C5: variants seen among roughly 807,000 people sequenced by gnomAD.
The protein encoded by C5 is complement C5.
In C5, 140 loss-of-function variants were observed where a neutral mutation model predicts 218.8. That is an observed-to-expected ratio of 0.64 (90% CI 0.56 to 0.74). The LOEUF (loss-of-function observed/expected upper bound fraction) is 0.74, where lower values mean the gene tolerates loss of function less well. C5 is among the 30% of genes least tolerant of loss of function. The pLI, the probability that C5 is intolerant of heterozygous loss-of-function variation, is 0.00. For missense variants in C5, 1,700 were observed against 1,969.6 expected (o/e 0.86, Z 2.59); for synonymous variants, 614 against 682.3 (o/e 0.90, Z 1.56).
intron 31 of C5, among the ~76,000 whole-genome samples, chr9:120,970,600 A>C (rs2046904207): frequency 6.6e-6 from 1 of 152,212 alleles, no homozygotes; most frequent in African/African-American, 2.4e-5. Context: ...AAGGCTAAGA[A>C]GTGTGGGTTT....
the C5 span, among the ~76,000 whole-genome samples, chr9:121,056,047 C>A: frequency 2.0e-5 from 3 of 152,214 alleles, no homozygotes; most frequent in Non-Finnish European, 4.4e-5. Context: ...TTAGGGCACC[C>A]CCAAGTGCTG....
At position 120,980,237 on chromosome 9, in the gene C5, T is replaced by C. The variant is rs756322573; in HGVS notation, c.3504A>G (p.Leu1168=). Reference sequence around the variant, plus strand: ...CAAGCAGAAAGTTGTCAGCTTTAATTAGAGCTGTGTCGATTTTCTGGAAAC... The same window carrying C: ...CAAGCAGAAAGTTGTCAGCTTTAATCAGAGCTGTGTCGATTTTCTGGAAAC... ...ICPLVKIDTA[L]IKADNFLLEN... The change falls in exon 28 of 41, where the codon CTA becomes CTG. Residue 1168 remains leucine (L), a synonymous_variant. Transcript: ENST00000223642. 2 of 1,614,132 alleles carry C rather than the reference T, an allele frequency of 1.2e-6. No individual in the cohort carries two copies. Among genetic ancestry groups the C allele is most frequent in the Non-Finnish European group, 8.5e-7 (1 of 1,179,968 alleles).
intron 38 of C5, among the ~76,000 whole-genome samples, chr9:120,958,049 A>AT (rs1339507031): frequency 4.6e-5 from 7 of 152,082 alleles, no homozygotes. Flanking sequence ...CTTTTGATCT[A>AT]TTTTTTGTTT....
intron 16 of C5, among the ~76,000 whole-genome samples, chr9:121,014,998 C>T (rs538714412): frequency 8.5e-5 from 13 of 152,156 alleles, no homozygotes; most frequent in Admixed American, 7.8e-4. Context: ...AGACCTATTT[C>T]CTTAGATTAA....
chr9:121,056,135 G>C, the C5 span, among the ~76,000 whole-genome samples: 5 of 152,214 alleles, frequency 3.3e-5, no homozygotes, highest in East Asian at 5.8e-4. Context: ...CTCAAGGACA[G>C]GGACAAACAA....
chr9:121,072,736 G>A, the C5 span, among the ~76,000 whole-genome samples: 1 of 150,992 alleles, frequency 6.6e-6, no homozygotes, highest in Non-Finnish European at 1.5e-5. Flanking sequence ...AACCCGGGAG[G>A]CGGAGGTTGC....
chr9:120,989,545 T>G (rs2047059830), intron 24 of C5, 23 bp downstream of exon 24: 2 of 1,474,368 alleles, frequency 1.4e-6, no homozygotes, highest in Non-Finnish European at 1.9e-6. Flanking sequence ...CCAATTTTTA[T>G]GTGAAATACT....
intron 1 of C5, 63 bp from the exon 2 acceptor site, chr9:121,046,446 A>AT: frequency 8.4e-7 from 1 of 1,196,790 alleles, no homozygotes; most frequent in Non-Finnish European, 1.2e-6. Flanking sequence ...TTTACTTTTG[A>AT]TTTTTTTCTC....
At position 120,962,847 on chromosome 9, in the gene C5, T is replaced by A. The variant is rs1340712613; in HGVS notation, c.4398+46A>T. The A allele has an allele frequency of 1.2e-6, 2 of 1,603,890 alleles. 1 individual carries two copies. Among genetic ancestry groups the A allele is most frequent in the Admixed American group, 3.3e-5 (2 of 60,022 alleles). On this transcript the variant is annotated intron_variant, in intron 35 of 40. Coordinates refer to ENST00000223642, the MANE Select transcript of C5 (RefSeq NM_001735.3). Reference sequence around the variant, plus strand: ...ATTTATAATCTTTTAGCCTGTATATTTTGAATAGTAATAGTAAAGGAAAAA... The same window carrying A: ...ATTTATAATCTTTTAGCCTGTATATATTGAATAGTAATAGTAAAGGAAAAA...
intron 18 of C5, among the ~76,000 whole-genome samples, 192 bp downstream of exon 18, chr9:121,008,216 T>C (rs2047231941): frequency 6.6e-6 from 1 of 152,120 alleles, no homozygotes; most frequent in Non-Finnish European, 1.5e-5. Flanking sequence ...CTGGAGCCAA[T>C]CACCAGTACG....
chr9:121,057,620 AT>A, the C5 span, among the ~76,000 whole-genome samples: 2 of 152,268 alleles, frequency 1.3e-5, no homozygotes, highest in East Asian at 3.9e-4. Context: ...CCAAAAACCT[AT>A]AATTGCTACA....
chr9:120,963,692 C>T lies in C5; in HGVS notation c.4267G>A (p.Val1423Met). 1 of 1,613,950 alleles carries T rather than the reference C, an allele frequency of 6.2e-7. No homozygotes were observed. Among genetic ancestry groups the T allele is most frequent in the Non-Finnish European group, 8.5e-7 (1 of 1,179,908 alleles). Residue 1423 changes from valine to methionine, a missense_variant, in exon 34 of 41, where the codon GTG (valine) becomes ATG (methionine). Coordinates refer to ENST00000223642, the MANE Select transcript of C5 (RefSeq NM_001735.3). ...EESSSGSSHA[V>M]MDISLPTGIS... ...CCAGTAGGCAAGGAGATGTCCATCA[C>T]CGCATGAGAGGATCCAGATGATGAT...
rs779274041 is a variant in C5, at chr9:120,989,721, T to A, written c.3001A>T (p.Thr1001Ser). 6.2e-7 allele frequency: 1 copy of A among 1,614,082 alleles called. No homozygotes were observed. The highest frequency in any genetic ancestry group is 2.2e-5 in the East Asian group (1 of 44,870). The change falls in exon 24 of 41, where the codon ACC (threonine) becomes TCC (serine). Residue 1001 changes from threonine to serine, a missense_variant. By Grantham distance (58) the Thr-to-Ser change is moderately conservative (BLOSUM62 1). Coordinates refer to ENST00000223642, the MANE Select transcript of C5 (RefSeq NM_001735.3). ...TCTGCACTCCCTTTGGGGAGGTGGG[T>A]TAGGATATTGATGCCTTCCTGACTT... ...VLSQEGINIL[T>S]HLPKGSAEAE...
At position 121,034,015 on chromosome 9, in the gene C5, G is replaced by A. The variant is rs546078410; in HGVS notation, c.584+788C>T. On this transcript the variant is annotated intron_variant, in intron 5 of 40. Coordinates refer to ENST00000223642, the MANE Select transcript of C5 (RefSeq NM_001735.3). ...GGCTCACTTTAACCCTCACCTCCCA[G>A]ATTCAAGCGATTCTCCTGCCTCAGC... Among the ~76,000 whole-genome samples the A allele has an allele frequency of 5.3e-5, 8 of 151,998 alleles. No homozygotes were observed. In the South Asian group the frequency reaches 1.7e-3, roughly 32 times the overall value.
At chr9:120,985,702 A>G (rs775670599) in intron 25 of C5, among the ~76,000 whole-genome samples, 1 of 152,222 alleles carries the variant, frequency 6.6e-6, no homozygotes, top group Non-Finnish European at 1.5e-5. Flanking sequence ...AAGTTACAGA[A>G]TGATAGGTAT....
chr9:121,036,239 C>T (rs1478894165), intron 4 of C5, among the ~76,000 whole-genome samples: 2 of 152,168 alleles, frequency 1.3e-5, no homozygotes, highest in East Asian at 1.9e-4. Flanking sequence ...TCTTCTTCAT[C>T]GCACTATCCA....
chr9:121,044,499 A>C (rs765289943), intron 2 of C5, among the ~76,000 whole-genome samples: 34 of 152,120 alleles, frequency 2.2e-4, no homozygotes, highest in African/African-American at 2.7e-4. Context: ...ACAACAACAA[A>C]AAAGAAACTA....
intron 20 of C5, among the ~76,000 whole-genome samples, chr9:121,002,316 G>GTGTGTGTGTATATATAAATATA (rs572345213): frequency 1.1e-5 from 1 of 87,406 alleles, no homozygotes; most frequent in Admixed American, 1.3e-4. Context: ...ATATGTGTGT[G>GTGTGTGTGTATATATAAATATA]TATATATATA....
At chr9:120,983,982 G>A (rs1435297769) in intron 25 of C5, among the ~76,000 whole-genome samples, 2 of 152,072 alleles carry the variant, frequency 1.3e-5, no homozygotes, top group Non-Finnish European at 2.9e-5. Flanking sequence ...AAAATGGTGG[G>A]AGAATGTTTA....
Sources: gnomAD v4.1 joint callset for allele counts (sites outside exome capture counted in the v4.1 genomes callset) on GRCh38, gnomAD v4.1.1 for gene constraint, MANE v1.5 for transcripts, NCBI Gene and HGNC (gene_info 2026-07-23, HGNC 2026-07-21) for gene names.